Variants in ROBO1 observed in about 807,000 individuals in gnomAD.
ROBO1 encodes roundabout homolog 1.
ROBO1 carries 149 observed loss-of-function variants against 195.9 expected under a neutral mutation model. That is an observed-to-expected ratio of 0.76 (90% CI 0.67 to 0.87). ROBO1 has a LOEUF of 0.87. ROBO1 is among the 40% of genes least tolerant of loss of function. The pLI, the probability that ROBO1 is intolerant of heterozygous loss-of-function variation, is 0.00. For missense variants in ROBO1, 1,933 were observed against 2,068.3 expected, an observed-to-expected ratio of 0.93 and a Z score of 1.27; for synonymous variants, 816 against 733.2, an observed-to-expected ratio of 1.11 and a Z score of -1.82.
chr3:78,712,040 A>C (rs1287269542), intron 8 of ROBO1, among the ~76,000 whole-genome samples: 6 of 143,234 alleles, frequency 4.2e-5, no homozygotes, highest in South Asian at 2.1e-4. Flanking sequence ...AAAAAAAAAA[A>C]AAAAAAAAAA....
intron 1 of ROBO1, among the ~76,000 whole-genome samples, chr3:79,693,662 T>C (rs1298029970): frequency 6.6e-6 from 1 of 151,720 alleles, no homozygotes; most frequent in Non-Finnish European, 1.5e-5. Flanking sequence ...GGTCTCAAAC[T>C]CCTGGCCTTG....
chr3:79,723,908 C>T (rs4856290), intron 1 of ROBO1, among the ~76,000 whole-genome samples: 43,124 of 152,038 alleles, frequency 0.28, 7,653 homozygotes, highest in East Asian at 0.57. Context: ...CCAACACTGA[C>T]AGAAGTACAG....
chr3:79,502,853 T>C (rs963842335), intron 2 of ROBO1, among the ~76,000 whole-genome samples: 5 of 151,934 alleles, frequency 3.3e-5, no homozygotes. Context: ...GCTAATCTAG[T>C]GGGGAGGTGG....
chr3:79,595,112 G>A (rs1192954919), intron 1 of ROBO1, among the ~76,000 whole-genome samples: 1 of 151,762 alleles, frequency 6.6e-6, no homozygotes, highest in Non-Finnish European at 1.5e-5. Flanking sequence ...TAACATATTA[G>A]TTATATGCAC....
At chr3:79,201,927 C>G (rs941521353) in intron 2 of ROBO1, among the ~76,000 whole-genome samples, 1 of 149,960 alleles carries the variant, frequency 6.7e-6, no homozygotes, top group Non-Finnish European at 1.5e-5. Context: ...CAGGTTGGCT[C>G]TTTTATATAA....
chr3:79,442,294 A>G (rs1415861236), intron 2 of ROBO1, among the ~76,000 whole-genome samples: 3 of 152,146 alleles, frequency 2.0e-5, no homozygotes, highest in Non-Finnish European at 1.5e-5. Flanking sequence ...CTCATCTATA[A>G]TATATCACTG....
intron 2 of ROBO1, among the ~76,000 whole-genome samples, chr3:79,528,195 C>T (rs1258286031): frequency 6.6e-6 from 1 of 152,056 alleles, no homozygotes; most frequent in Non-Finnish European, 1.5e-5. Context: ...AAATGAATAG[C>T]AAAAATCAAT....
At chr3:78,923,334 A>C (rs949851023) in intron 4 of ROBO1, among the ~76,000 whole-genome samples, 11 of 152,106 alleles carry the variant, frequency 7.2e-5, no homozygotes, top group Admixed American at 3.3e-4. Flanking sequence ...GGTAAGCAAA[A>C]ATATCTTATT....
chr3:78,786,970 T>C (rs995682789), intron 4 of ROBO1, among the ~76,000 whole-genome samples: 1 of 152,152 alleles, frequency 6.6e-6, no homozygotes, highest in Non-Finnish European at 1.5e-5. Context: ...CAAACTTAGT[T>C]GTATGCAACT....
intron 4 of ROBO1, among the ~76,000 whole-genome samples, chr3:78,798,533 T>C (rs898966363): frequency 2.6e-5 from 4 of 152,218 alleles, no homozygotes; most frequent in Non-Finnish European, 5.9e-5. Flanking sequence ...TGTGAACTCA[T>C]TTTTAACTTG....
chr3:78,668,150 T>G lies in ROBO1; in HGVS notation c.1783A>C (p.Ile595Leu). 1.2e-6 allele frequency: 2 copies of G among 1,613,698 alleles called. No individual in the cohort carries two copies. Among genetic ancestry groups the G allele is most frequent in the Admixed American group, 1.7e-5 (1 of 59,958 alleles). The change falls in exon 13 of 31, where the codon ATT (isoleucine) becomes CTT (leucine). Residue 595 changes from isoleucine (I) to leucine (L), a missense_variant. This residue lies in a region of ROBO1 where 1,737 missense variants were observed against 1,882.5 expected (regional missense o/e 0.92). Coordinates refer to ENST00000464233, the MANE Select transcript of ROBO1 (RefSeq NM_002941.4). ...LNSGATPTSY[I>L]IEAFSHASGS... ...TCACTCTACCTGAAGGCTTCTATAATATAAGATGTTGGAGTTGCTCCTGAA... is the reference window on the plus strand; with the variant it reads ...TCACTCTACCTGAAGGCTTCTATAAGATAAGATGTTGGAGTTGCTCCTGAA...
At chr3:79,302,973 A>G (rs1261613544) in intron 2 of ROBO1, among the ~76,000 whole-genome samples, 1 of 152,104 alleles carries the variant, frequency 6.6e-6, no homozygotes, top group Non-Finnish European at 1.5e-5. Flanking sequence ...TATTTTGCTG[A>G]GTGTTAATGA....
chr3:79,763,641 GC>G, intron 1 of ROBO1, among the ~76,000 whole-genome samples: 1 of 152,210 alleles, frequency 6.6e-6, no homozygotes, highest in East Asian at 1.9e-4. Context: ...GGCTACATAT[GC>G]ACAAATTTCA....
At chr3:78,816,646 TAGA>T (rs1366562054) in intron 4 of ROBO1, among the ~76,000 whole-genome samples, 1 of 152,120 alleles carries the variant, frequency 6.6e-6, no homozygotes, top group Non-Finnish European at 1.5e-5. Context: ...ATGAGGAGTA[TAGA>T]AGAAGTTTAT....
intron 2 of ROBO1, among the ~76,000 whole-genome samples, chr3:79,363,074 T>G (rs1479723946): frequency 6.6e-6 from 1 of 152,190 alleles, no homozygotes; most frequent in Non-Finnish European, 1.5e-5. Context: ...ATGTTCTAAA[T>G]GAGCTATCAG....
rs2082053572 is a variant in ROBO1, at chr3:78,721,907, GAGA to G, written c.658-4027_658-4025del. Among the ~76,000 whole-genome samples the G allele has an allele frequency of 2.0e-5, 3 of 152,214 alleles. No individual in the cohort carries two copies. In the East Asian group the frequency reaches 5.8e-4, roughly 29 times the overall value. On this transcript the variant is annotated intron_variant, in intron 5 of 30. Transcript: ENST00000464233. Reference sequence around the variant, plus strand: ...TATGTTGAAAGAATCTATACAAATGGAGAAGGAGGGGGATTTAGTTAACAAGAG... The same window carrying G: ...TATGTTGAAAGAATCTATACAAATGGAGGAGGGGGATTTAGTTAACAAGAG...
intron 2 of ROBO1, among the ~76,000 whole-genome samples, chr3:79,452,532 C>A (rs1241542935): frequency 6.6e-6 from 1 of 152,064 alleles, no homozygotes; most frequent in African/African-American, 2.4e-5. Context: ...CTAAACTCCA[C>A]AAAGACATGA....
chr3:79,103,615 C>A (rs1008614459), intron 3 of ROBO1, among the ~76,000 whole-genome samples: 2 of 151,678 alleles, frequency 1.3e-5, no homozygotes. Flanking sequence ...TCAGACTACA[C>A]CTTTATGATT....
intron 2 of ROBO1, among the ~76,000 whole-genome samples, chr3:79,224,250 T>A (rs1379166754): frequency 2.6e-5 from 4 of 152,324 alleles, no homozygotes; most frequent in Admixed American, 2.6e-4. Context: ...AAACAAAATC[T>A]TTACTTTCCA....
Sources: allele counts gnomAD v4.1 joint callset (sites outside exome capture counted in the v4.1 genomes callset), GRCh38; gene constraint gnomAD v4.1.1; regional missense constraint gnomAD v4.1.1; transcripts MANE v1.5; gene names NCBI Gene and HGNC (gene_info 2026-07-23, HGNC 2026-07-21).